The following ZNF469 variants were observed in gnomAD, a reference collection of about 807,000 sequenced individuals.
ZNF469 encodes the protein zinc finger protein 469.
Under a neutral mutation model 1.0 loss-of-function variants are expected in ZNF469, and 1 was observed. The ratio of observed to expected loss-of-function variants is 1.00; its 90% CI spans 0.35 to 4.73. ZNF469 has a LOEUF of 4.73. ZNF469 is among the 30% of genes most tolerant of loss of function. The probability of loss-of-function intolerance (pLI) is 0.16; values close to 1 mark genes in which losing one functional copy is unlikely to be tolerated. For synonymous variants in ZNF469, 2,703 were observed against 2,363.4 expected (o/e 1.14, Z -4.17); for missense variants, 6,100 against 5,356.3 (o/e 1.14, Z -4.33).
chr16:88,237,113 A>T, the ZNF469 span, among the ~76,000 whole-genome samples: 1 of 147,986 alleles, frequency 6.8e-6, no homozygotes, highest in Non-Finnish European at 1.5e-5. Flanking sequence ...ATCACAGAGC[A>T]GCTTCCTGGG....
chr16:88,425,873 G>C (rs562128686), intron 2 of ZNF469, among the ~76,000 whole-genome samples: 1 of 152,336 alleles, frequency 6.6e-6, no homozygotes, highest in Non-Finnish European at 1.5e-5. Flanking sequence ...CTTTTTGGTG[G>C]TGTGATGTGG....
At chr16:88,240,004 G>C in the ZNF469 span, among the ~76,000 whole-genome samples, 1 of 150,338 alleles carries the variant, frequency 6.7e-6, no homozygotes, top group African/African-American at 2.5e-5. Flanking sequence ...CCCCATTGGC[G>C]GTGGAGGGGC....
the ZNF469 span, among the ~76,000 whole-genome samples, chr16:88,360,387 C>CCAATA: frequency 4.6e-5 from 7 of 152,148 alleles, no homozygotes; most frequent in Admixed American, 6.5e-5. Flanking sequence ...TCAGTGAGGT[C>CCAATA]CAATAAATAC....
rs150435442 is a variant in ZNF469, at chr16:88,430,311, G to A, written c.2841G>A (p.Arg947=). Residue 947 remains arginine, a synonymous_variant, in exon 3 of 3, where the codon AGG becomes AGA. Coordinates refer to ENST00000565624, the MANE Select transcript of ZNF469 (RefSeq NM_001367624.2). ...CCAGCCAGGGCAGGCAGCAGAGGAGGGGGAAGCAGTTGAAGCTGTTCCGGA... is the reference window on the plus strand; with the variant it reads ...CCAGCCAGGGCAGGCAGCAGAGGAGAGGGAAGCAGTTGAAGCTGTTCCGGA... ...DAPSQGRQQR[R]GKQLKLFRKD... 5,638 of 1,515,534 alleles carry A rather than the reference G, an allele frequency of 3.7e-3. 20 individuals carry two copies. The highest frequency in any genetic ancestry group is 4.5e-3 in the Non-Finnish European group (5,090 of 1,135,082). 93.9% of individuals were successfully genotyped at this position (1,515,534 alleles called of 1,614,324 possible).
At chr16:88,121,965 C>T in the ZNF469 span, among the ~76,000 whole-genome samples, 2 of 152,126 alleles carry the variant, frequency 1.3e-5, no homozygotes, top group African/African-American at 4.8e-5. Flanking sequence ...CCACAGAAGC[C>T]AAATAAACAG....
chr16:88,387,887 C>T (rs955201970), intron 1 of ZNF469, among the ~76,000 whole-genome samples: 1 of 152,212 alleles, frequency 6.6e-6, no homozygotes, highest in Non-Finnish European at 1.5e-5. Flanking sequence ...CCAGCCCTTG[C>T]TCCTCCAATC....
chr16:88,344,372 C>G, the ZNF469 span, among the ~76,000 whole-genome samples: 1,317 of 152,264 alleles, frequency 8.6e-3, 23 homozygotes, highest in African/African-American at 0.03. Context: ...GCAGGGGACC[C>G]TAAGTGAGGG....
At chr16:88,268,236 T>C in the ZNF469 span, among the ~76,000 whole-genome samples, 100 of 152,340 alleles carry the variant, frequency 6.6e-4, no homozygotes, top group Admixed American at 1.4e-3. Flanking sequence ...CCATGCCCCG[T>C]TGTCAGTCTC....
At chr16:88,174,476 GTCTATCTATCTATCTA>G in the ZNF469 span, among the ~76,000 whole-genome samples, 14 of 101,580 alleles carry the variant, frequency 1.4e-4, no homozygotes, top group African/African-American at 2.1e-4. Context: ...CTGTCTGTCT[GTCTATCTATCTATCTA>G]TCTATCTATC....
Position 88,431,559 on chromosome 16 carries a change from C to T in ZNF469, c.4089C>T (p.Pro1363=), listed in dbSNP as rs1301277755. The part of the protein sequence containing the change: ...GCDPAGFNRD[P]LGVPVAKKGP... ...ACCCTGCTGGTTTTAACAGAGACCC[C>T]TTGGGGGTTCCAGTTGCCAAAAAGG... The change falls in exon 3 of 3, where the codon CCC becomes CCT. Residue 1363 remains proline, a synonymous_variant. Coordinates refer to ENST00000565624, the MANE Select transcript of ZNF469 (RefSeq NM_001367624.2). 6.4e-7 allele frequency: 1 copy of T among 1,550,446 alleles called. No individual in the cohort carries two copies. Among genetic ancestry groups the T allele is most frequent in the Non-Finnish European group, 8.7e-7 (1 of 1,147,000 alleles).
the ZNF469 span, among the ~76,000 whole-genome samples, chr16:88,211,532 C>G: frequency 2.6e-5 from 4 of 151,576 alleles, no homozygotes; most frequent in Non-Finnish European, 5.9e-5. Flanking sequence ...GGTATAGACC[C>G]TGGGTCCTGT....
chr16:88,365,252 C>G, the ZNF469 span, among the ~76,000 whole-genome samples: 10 of 152,322 alleles, frequency 6.6e-5, no homozygotes, highest in South Asian at 2.1e-3. Context: ...GTGTTCAACT[C>G]CCAACATCCA....
intron 1 of ZNF469, among the ~76,000 whole-genome samples, chr16:88,408,819 A>G (rs573710436): frequency 3.5e-4 from 54 of 152,212 alleles, no homozygotes; most frequent in Non-Finnish European, 7.2e-4. Flanking sequence ...TTGAAGGAAA[A>G]CATGGCCCCA....
At chr16:88,167,830 C>G in the ZNF469 span, among the ~76,000 whole-genome samples, 1 of 152,244 alleles carries the variant, frequency 6.6e-6, no homozygotes, top group African/African-American at 2.4e-5. Flanking sequence ...GCACCGCTCC[C>G]CAGGACGGAC....
chr16:88,367,760 G>C, the ZNF469 span, among the ~76,000 whole-genome samples: 1 of 152,128 alleles, frequency 6.6e-6, no homozygotes, highest in South Asian at 2.1e-4. Context: ...CACTGGCTCC[G>C]GTCCCTGGGG....
chr16:88,231,042 A>C, the ZNF469 span, among the ~76,000 whole-genome samples: 1 of 152,104 alleles, frequency 6.6e-6, no homozygotes, highest in South Asian at 2.1e-4. This position sits in a 1 kb window ranked among gnomAD's most constrained non-coding sequence, Gnocchi z 4.5. Flanking sequence ...AAAACCTCAG[A>C]CCAGCCGCAC....
intron 1 of ZNF469, among the ~76,000 whole-genome samples, chr16:88,423,284 T>C (rs1429508621): frequency 7.4e-6 from 1 of 135,876 alleles, no homozygotes; most frequent in African/African-American, 2.7e-5. Flanking sequence ...GGTAGATGGA[T>C]GGATGGATAG....
chr16:88,187,715 ATTT>A, the ZNF469 span, among the ~76,000 whole-genome samples: 155 of 140,180 alleles, frequency 1.1e-3, no homozygotes, highest in African/African-American at 3.1e-3. Context: ...GATTGCCTGC[ATTT>A]TTTTTTTTTT....
At chr16:88,123,685 C>T in the ZNF469 span, among the ~76,000 whole-genome samples, 118,176 of 152,098 alleles carry the variant, frequency 0.78, 47,639 homozygotes, top group Middle Eastern at 0.91. Context: ...GGATGGGTTG[C>T]GTATTATAAT....
Sources: allele counts gnomAD v4.1 joint callset (sites outside exome capture counted in the v4.1 genomes callset), GRCh38; gene constraint gnomAD v4.1.1; non-coding constraint Gnocchi (gnomAD v3.1); transcripts MANE v1.5; gene names NCBI Gene and HGNC (gene_info 2026-07-23, HGNC 2026-07-21).